CNTN5: variants seen among roughly 807,000 people sequenced by gnomAD.
The protein encoded by CNTN5 is contactin 5, also known as contactin-5.
Under a neutral mutation model 129.1 loss-of-function variants are expected in CNTN5, and 77 were observed. That is an observed-to-expected ratio of 0.60 (90% CI 0.50 to 0.72). The LOEUF (loss-of-function observed/expected upper bound fraction) is 0.72. Ranked by LOEUF, CNTN5 falls within the 30% of genes least tolerant of loss-of-function variation. The probability of loss-of-function intolerance (pLI) is 0.00; values close to 1 mark genes in which losing one functional copy is unlikely to be tolerated. For synonymous variants in CNTN5, 509 were observed against 465.6 expected, an observed-to-expected ratio of 1.09 and a Z score of -1.20; for missense variants, 1,478 against 1,328.8, an observed-to-expected ratio of 1.11 and a Z score of -1.75.
rs1480252805 is a variant in CNTN5 at position 100,290,906 on chromosome 11, T to C, written c.2315-6719T>C. ...AATCTACAATGAACTCAAACAAATT[T>C]ACAAGAAAAAAACAAACAACCCCAT... is the stretch of plus-strand genomic sequence containing the variant. On this transcript the variant is annotated intron_variant, in intron 18 of 24. Transcript: ENST00000524871. 4.1e-4 allele frequency among the ~76,000 whole-genome samples: 62 copies of C among 151,256 alleles called. 1 individual carries two copies. Among genetic ancestry groups the C allele is most frequent in the African/African-American group, 1.4e-3 (59 of 41,186 alleles).
chr11:100,103,183 A>C (rs953165683), intron 13 of CNTN5, among the ~76,000 whole-genome samples: 3 of 152,208 alleles, frequency 2.0e-5, no homozygotes, highest in Non-Finnish European at 2.9e-5. Context: ...AAATGTTAAA[A>C]ATTAGTAAGC....
intron 3 of CNTN5, among the ~76,000 whole-genome samples, chr11:99,667,308 T>G (rs33948543): frequency 6.6e-6 from 1 of 151,432 alleles, no homozygotes; most frequent in Admixed American, 6.6e-5. Context: ...TAATAAATTT[T>G]GTAAATAGCT....
Position 99,866,232 on chromosome 11 carries a change from T to C in CNTN5, c.577+20970T>C, listed in dbSNP as rs116646113. ...AGAAAACCAATAACCCAAACTTTTTTCCCCCAGCACTCAGAGAATTTGGGG... is the reference window on the plus strand; with the variant it reads ...AGAAAACCAATAACCCAAACTTTTTCCCCCCAGCACTCAGAGAATTTGGGG... On this transcript the variant is annotated intron_variant, in intron 6 of 24. Coordinates refer to ENST00000524871, the MANE Select transcript of CNTN5 (RefSeq NM_014361.4). Among the ~76,000 whole-genome samples, 594 of 152,232 alleles carry C rather than the reference T, an allele frequency of 3.9e-3. 8 individuals carry two copies. Among genetic ancestry groups the C allele is most frequent in the African/African-American group, 0.013 (527 of 41,550 alleles).
intron 8 of CNTN5, among the ~76,000 whole-genome samples, chr11:99,972,250 G>A (rs1433885204): frequency 6.6e-6 from 1 of 152,038 alleles, no homozygotes; most frequent in Non-Finnish European, 1.5e-5. Flanking sequence ...GACAGGGCGA[G>A]ACTCTGTTTC....
At chr11:99,651,792 A>C (rs1411229784) in intron 3 of CNTN5, among the ~76,000 whole-genome samples, 1 of 152,184 alleles carries the variant, frequency 6.6e-6, no homozygotes, top group East Asian at 1.9e-4. Context: ...CTATAAAATT[A>C]AAAATCCTCA....
chr11:99,397,203 T>C (rs1045356547), intron 2 of CNTN5, among the ~76,000 whole-genome samples: 1 of 151,762 alleles, frequency 6.6e-6, no homozygotes, highest in African/African-American at 2.4e-5. Context: ...TGTCTGATGT[T>C]TTTCCATGGT....
intron 3 of CNTN5, among the ~76,000 whole-genome samples, chr11:99,804,604 A>G (rs1400490167): frequency 1.3e-5 from 2 of 151,482 alleles, no homozygotes; most frequent in East Asian, 3.9e-4. Flanking sequence ...ATACCTTCAA[A>G]TATAATTCTT....
intron 2 of CNTN5, among the ~76,000 whole-genome samples, chr11:99,532,984 A>G (rs1947770611): frequency 1.3e-5 from 2 of 152,210 alleles, no homozygotes; most frequent in Non-Finnish European, 2.9e-5. Flanking sequence ...GCACTTTGGG[A>G]GGCTGTGGCA....
chr11:99,191,400 G>A (rs574470901), intron 1 of CNTN5, among the ~76,000 whole-genome samples: 4 of 151,766 alleles, frequency 2.6e-5, no homozygotes, highest in African/African-American at 9.6e-5. Flanking sequence ...GAGTTTGAGA[G>A]AGAGTGGTAT....
At chr11:99,267,506 G>T (rs1047471468) in intron 1 of CNTN5, among the ~76,000 whole-genome samples, 21 of 152,020 alleles carry the variant, frequency 1.4e-4, no homozygotes, top group Admixed American at 1.1e-3. Flanking sequence ...GTGAGAGAAA[G>T]AAATTTAATT....
intron 1 of CNTN5, among the ~76,000 whole-genome samples, chr11:99,298,634 AT>A (rs1353540448): frequency 6.6e-6 from 1 of 152,174 alleles, no homozygotes; most frequent in African/African-American, 2.4e-5. Flanking sequence ...ATAATATATT[AT>A]CTAAAATGTC....
chr11:99,156,968 A>G (rs1860366229), intron 1 of CNTN5, among the ~76,000 whole-genome samples: 1 of 152,066 alleles, frequency 6.6e-6, no homozygotes, highest in African/African-American at 2.4e-5. Flanking sequence ...CTAATTAACA[A>G]CGGTAATGGT....
At chr11:99,102,396 T>A (rs1866778985) in intron 1 of CNTN5, among the ~76,000 whole-genome samples, 1 of 152,170 alleles carries the variant, frequency 6.6e-6, no homozygotes, top group Admixed American at 6.5e-5. Flanking sequence ...TGGGTTTTTC[T>A]TTTTTACCAC....
chr11:99,509,097 C>T (rs1946738891), intron 2 of CNTN5, among the ~76,000 whole-genome samples: 1 of 152,044 alleles, frequency 6.6e-6, no homozygotes, highest in Admixed American at 6.6e-5. Flanking sequence ...GGGAATATAT[C>T]TTAGAACCAA....
intron 1 of CNTN5, among the ~76,000 whole-genome samples, chr11:99,214,755 C>A (rs1389223100): frequency 6.6e-6 from 1 of 151,978 alleles, no homozygotes; most frequent in South Asian, 2.1e-4. Flanking sequence ...TTCAGACTGA[C>A]AAAAAAATTT....
intron 3 of CNTN5, among the ~76,000 whole-genome samples, chr11:99,778,879 T>A (rs889381766): frequency 6.6e-6 from 1 of 151,006 alleles, no homozygotes; most frequent in Non-Finnish European, 1.5e-5. Context: ...TATAAAAGAA[T>A]ATGGTAAATT....
intron 6 of CNTN5, among the ~76,000 whole-genome samples, chr11:99,914,275 A>G (rs1404415306): frequency 6.6e-6 from 1 of 152,008 alleles, no homozygotes; most frequent in Non-Finnish European, 1.5e-5. Context: ...CTGCCTAACT[A>G]TCTTGTATTG....
chr11:100,015,116 C>T (rs1203257317), intron 9 of CNTN5, among the ~76,000 whole-genome samples: 1 of 152,044 alleles, frequency 6.6e-6, no homozygotes, highest in African/African-American at 2.4e-5. Flanking sequence ...AGTCATTTAT[C>T]AATGTAATAG....
At position 99,687,623 on chromosome 11, in the gene CNTN5, G is replaced by A. The variant is rs369732899; in HGVS notation, c.55+131354G>A. Among the ~76,000 whole-genome samples the A allele has an allele frequency of 2.2e-4, 34 of 152,166 alleles. No homozygotes were observed. The East Asian group carries it at 5.2e-3, about 23-fold the overall frequency. On this transcript the variant is annotated intron_variant, in intron 3 of 24. Coordinates refer to ENST00000524871, the MANE Select transcript of CNTN5 (RefSeq NM_014361.4). ...TCAAGTTACATAGTAGTTACTTCAT[G>A]GTATTCTTCCTTAGGCTTTATGAAA...
Sources: gnomAD v4.1 joint callset for allele counts (sites outside exome capture counted in the v4.1 genomes callset) on GRCh38, gnomAD v4.1.1 for gene constraint, MANE v1.5 for transcripts, NCBI Gene and HGNC (gene_info 2026-07-23, HGNC 2026-07-21) for gene names.